The following REEP3 variants were observed in gnomAD, a reference collection of about 807,000 sequenced individuals.
The protein encoded by REEP3 is receptor accessory protein 3.
REEP3 carries 20 observed loss-of-function variants against 41.3 expected under a neutral mutation model. That is an observed-to-expected ratio of 0.48 (90% CI 0.34 to 0.70). REEP3 has a LOEUF of 0.70. Among genes scored for constraint, REEP3 ranks in the 30% least tolerant of loss-of-function variants. The probability of loss-of-function intolerance (pLI) is 0.01; values close to 1 mark genes in which losing one functional copy is unlikely to be tolerated. For synonymous variants in REEP3, 104 were observed against 101.8 expected, an observed-to-expected ratio of 1.02 and a Z score of -0.13; for missense variants, 271 against 308.8, an observed-to-expected ratio of 0.88 and a Z score of 0.92.
chr10:63,562,644 G>A (rs1955752113), intron 1 of REEP3: 1 of 456,406 alleles, frequency 2.2e-6, no homozygotes, highest in Non-Finnish European at 4.4e-6. Flanking sequence ...GTGACTTGTT[G>A]ACATAAGCCC....
At chr10:63,556,606 G>T (rs2133366175) in intron 1 of REEP3, among the ~76,000 whole-genome samples, 3 of 57,180 alleles carry the variant, frequency 5.2e-5, no homozygotes, top group Non-Finnish European at 1.1e-4. Context: ...TTTGTTTTCT[G>T]TTTGCTTGTT....
At chr10:63,607,797 C>T (rs145211083) in intron 5 of REEP3, among the ~76,000 whole-genome samples, 103 of 152,212 alleles carry the variant, frequency 6.8e-4, no homozygotes, top group African/African-American at 2.3e-3. Context: ...AACAGTAGTA[C>T]GTGAGTTCAT....
At chr10:63,596,219 C>T (rs2133407517) in intron 3 of REEP3, among the ~76,000 whole-genome samples, 1 of 152,236 alleles carries the variant, frequency 6.6e-6, no homozygotes, top group Middle Eastern at 3.4e-3. Context: ...AATTTCCCTT[C>T]CTGTGCCCCA....
At chr10:63,522,208 G>C (rs1398835539) in intron 1 of REEP3, among the ~76,000 whole-genome samples, 1 of 151,884 alleles carries the variant, frequency 6.6e-6, no homozygotes, top group Non-Finnish European at 1.5e-5. Flanking sequence ...AAGATTTGCA[G>C]CTTACCGAGA....
chr10:63,523,212 T>G (rs1334838914), intron 1 of REEP3, among the ~76,000 whole-genome samples: 2 of 152,200 alleles, frequency 1.3e-5, no homozygotes, highest in African/African-American at 4.8e-5. Context: ...TGCACAGATA[T>G]CTGCAGTACA....
intron 1 of REEP3, among the ~76,000 whole-genome samples, chr10:63,553,184 A>T (rs1394212398): frequency 1.3e-5 from 2 of 152,220 alleles, no homozygotes; most frequent in African/African-American, 4.8e-5. Context: ...GAGAGCTCAC[A>T]ACATGAAGAG....
intron 2 of REEP3, among the ~76,000 whole-genome samples, chr10:63,592,442 T>C (rs1425985068): frequency 6.6e-6 from 1 of 152,186 alleles, no homozygotes; most frequent in Non-Finnish European, 1.5e-5. Flanking sequence ...GTTTTTTGTT[T>C]TTTGTTTTCG....
At chr10:63,562,630 TC>T (rs992033154) in intron 1 of REEP3, 1 of 456,352 alleles carries the variant, frequency 2.2e-6, no homozygotes, top group African/African-American at 2.0e-5. Flanking sequence ...AGCGTATTCT[TC>T]CTGTGACTTG....
chr10:63,538,403 C>G (rs975912207), intron 1 of REEP3, among the ~76,000 whole-genome samples: 5 of 152,158 alleles, frequency 3.3e-5, no homozygotes, highest in African/African-American at 1.2e-4. Flanking sequence ...ATGTGCAGCT[C>G]TGATTCTTGA....
intron 2 of REEP3, among the ~76,000 whole-genome samples, chr10:63,584,662 C>G (rs1955988040): frequency 6.6e-6 from 1 of 151,924 alleles, no homozygotes; most frequent in African/African-American, 2.4e-5. Context: ...ATGAAGTAAC[C>G]AAATTATTGG....
chr10:63,551,522 C>T (rs534939459), intron 1 of REEP3, among the ~76,000 whole-genome samples: 1 of 152,046 alleles, frequency 6.6e-6, no homozygotes, highest in East Asian at 1.9e-4. Flanking sequence ...TGGGGAGGGG[C>T]GCCAGTAACT....
At chr10:63,566,228 G>T in intron 1 of REEP3, 110 bp from the exon 2 acceptor site, 1 of 690,454 alleles carries the variant, frequency 1.4e-6, no homozygotes, top group Non-Finnish European at 2.5e-6. Flanking sequence ...TTTCTGAGCG[G>T]ATTTAATTTA....
Position 63,594,810 on chromosome 10 carries a change from T to C in REEP3, c.138T>C (p.Ala46=), listed in dbSNP as rs1225014411. The stretch of plus-strand genomic sequence containing the variant: ...GGATGATGTACTGGATTGTTTTTGC[T>C]CTCTATACTGTGATTGAAACAGTAG... ...VRWMMYWIVF[A]LYTVIETVAD... The change falls in exon 3 of 8, where the codon GCT becomes GCC. Residue 46 remains alanine (A), a synonymous_variant. Transcript: ENST00000373758. The C allele has an allele frequency of 1.2e-6, 2 of 1,612,832 alleles. No individual in the cohort carries two copies. The highest frequency in any genetic ancestry group is 3.3e-5 in the Admixed American group (2 of 60,024).
At chr10:63,609,175 G>A (rs776448670) in intron 5 of REEP3, among the ~76,000 whole-genome samples, 2 of 152,132 alleles carry the variant, frequency 1.3e-5, no homozygotes, top group South Asian at 2.1e-4. Flanking sequence ...GCCCTTGGCC[G>A]GGCACGGTGG....
chr10:63,532,873 C>A (rs1224076414), intron 1 of REEP3, among the ~76,000 whole-genome samples: 1 of 152,130 alleles, frequency 6.6e-6, no homozygotes, highest in South Asian at 2.1e-4. Context: ...CCACTGTACT[C>A]CAGCCTGGGC....
intron 1 of REEP3, chr10:63,562,477 G>A (rs551178401): frequency 6.6e-5 from 29 of 440,736 alleles, no homozygotes; most frequent in Non-Finnish European, 1.0e-4. Context: ...AGCTGGTCTC[G>A]AACTCCTGAC....
chr10:63,617,793 G>A (rs1347499061), intron 6 of REEP3, among the ~76,000 whole-genome samples: 3 of 137,602 alleles, frequency 2.2e-5, no homozygotes, highest in African/African-American at 5.3e-5. Flanking sequence ...CTTCTCCTAA[G>A]CCTGGAAATC....
chr10:63,532,972 G>T (rs905457678), intron 1 of REEP3, among the ~76,000 whole-genome samples: 1 of 152,146 alleles, frequency 6.6e-6, no homozygotes. Context: ...TGGGGAAGGG[G>T]GACAGATTTT....
intron 1 of REEP3, among the ~76,000 whole-genome samples, chr10:63,555,805 T>G (rs1955673537): frequency 6.6e-6 from 1 of 152,148 alleles, no homozygotes; most frequent in Non-Finnish European, 1.5e-5. Flanking sequence ...GATGCAGAAT[T>G]TAGAAATTCA....
Sources: gnomAD v4.1 joint callset for allele counts (sites outside exome capture counted in the v4.1 genomes callset) on GRCh38, gnomAD v4.1.1 for gene constraint, MANE v1.5 for transcripts, NCBI Gene and HGNC (gene_info 2026-07-23, HGNC 2026-07-21) for gene names.